Variants in CDH13 observed in about 807,000 individuals in gnomAD.
The protein encoded by CDH13 is cadherin 13.
Under a neutral mutation model 63.8 loss-of-function variants are expected in CDH13, and 24 were observed. The observed-to-expected ratio is 0.38, with a 90% CI of 0.27 to 0.53. The LOEUF is 0.53. CDH13 is among the 20% of genes least tolerant of loss of function. CDH13 has a pLI of 0.85. For synonymous variants in CDH13, 503 were observed against 355.3 expected, an observed-to-expected ratio of 1.42 and a Z score of -4.67; for missense variants, 1,049 against 903.1, an observed-to-expected ratio of 1.16 and a Z score of -2.07.
At chr16:83,596,329 G>T (rs920868643) in intron 7 of CDH13, among the ~76,000 whole-genome samples, 1 of 152,198 alleles carries the variant, frequency 6.6e-6, no homozygotes, top group African/African-American at 2.4e-5. Flanking sequence ...GGTCCTAGGA[G>T]TTCGGGGTTT....
chr16:83,672,024 G>T lies in CDH13; in HGVS notation c.1284+1052G>T, dbSNP rs182884340. On this transcript the variant is annotated intron_variant, in intron 9 of 13. Transcript: ENST00000567109. ...TCTTTTCTAGTGGATGAAGCCATTT[G>T]CCTGAGCAGCAGGGATCAATTGTAT... Among the ~76,000 whole-genome samples, 232 of 152,300 alleles carry T rather than the reference G, an allele frequency of 1.5e-3. 2 individuals are homozygous for T. The East Asian group carries it at 0.016, about 11-fold the overall frequency.
At chr16:82,864,361 C>T (rs1394430169) in intron 2 of CDH13, among the ~76,000 whole-genome samples, 1 of 152,048 alleles carries the variant, frequency 6.6e-6, no homozygotes, top group Admixed American at 6.6e-5. Flanking sequence ...TAAAGAACTA[C>T]CTGAGATGGG....
intron 6 of CDH13, among the ~76,000 whole-genome samples, chr16:83,403,856 A>G (rs1315727852): frequency 6.6e-6 from 1 of 152,228 alleles, no homozygotes; most frequent in African/African-American, 2.4e-5. Flanking sequence ...TATAAGGGAA[A>G]AATAAAAGGA....
intron 8 of CDH13, among the ~76,000 whole-genome samples, chr16:83,626,641 C>A (rs1260196747): frequency 1.3e-5 from 2 of 152,024 alleles, no homozygotes; most frequent in Non-Finnish European, 2.9e-5. Flanking sequence ...TCAACGTTGT[C>A]CTCTGCCCCC....
At chr16:82,877,514 T>A (rs372214612) in intron 2 of CDH13, among the ~76,000 whole-genome samples, 4 of 152,230 alleles carry the variant, frequency 2.6e-5, no homozygotes, top group African/African-American at 9.6e-5. Context: ...ATTTGTTCCA[T>A]GTTAGCATTT....
intron 3 of CDH13, among the ~76,000 whole-genome samples, chr16:83,088,336 G>T (rs1436358956): frequency 2.6e-5 from 4 of 152,304 alleles, no homozygotes; most frequent in Non-Finnish European, 5.9e-5. Flanking sequence ...AAATGTCAGG[G>T]TTGTCACCAA....
chr16:82,917,399 A>AG (rs1216364676), intron 2 of CDH13, among the ~76,000 whole-genome samples: 1 of 152,168 alleles, frequency 6.6e-6, no homozygotes, highest in Non-Finnish European at 1.5e-5. Context: ...GTTAATAGAC[A>AG]GGGCAGAAAT....
intron 1 of CDH13, among the ~76,000 whole-genome samples, chr16:82,806,651 G>A (rs925733038): frequency 6.6e-6 from 1 of 152,062 alleles, no homozygotes; most frequent in Non-Finnish European, 1.5e-5. Flanking sequence ...AATAATGGTG[G>A]GATTTTTGTT....
chr16:83,377,646 G>C (rs1392773710), intron 6 of CDH13, among the ~76,000 whole-genome samples: 3 of 152,170 alleles, frequency 2.0e-5, no homozygotes, highest in African/African-American at 7.2e-5. Flanking sequence ...AAAAGCAGGA[G>C]ACACTTTGCA....
intron 1 of CDH13, among the ~76,000 whole-genome samples, chr16:82,837,070 C>G (rs118146773): frequency 0.017 from 2,561 of 152,260 alleles, 39 homozygotes; most frequent in Non-Finnish European, 0.024. Flanking sequence ...GGCAACCCAT[C>G]GAGGTGGAAG....
At chr16:83,382,432 C>A (rs1451266841) in intron 6 of CDH13, among the ~76,000 whole-genome samples, 1 of 152,068 alleles carries the variant, frequency 6.6e-6, no homozygotes. Flanking sequence ...CTTCCATACC[C>A]CCTCATGCTG....
Position 83,501,769 on chromosome 16 carries a change from G to T in CDH13, c.960+15114G>T, listed in dbSNP as rs185684365. ...CCCTTGGGCTATTAAAGAAAAGCACGGGACATATTGATGGAAAAAATCTGA... is the reference window on the plus strand; with the variant it reads ...CCCTTGGGCTATTAAAGAAAAGCACTGGACATATTGATGGAAAAAATCTGA... On this transcript the variant is annotated intron_variant, in intron 7 of 13. Transcript: ENST00000567109. 2.1e-3 allele frequency among the ~76,000 whole-genome samples: 315 copies of T among 152,272 alleles called. 2 individuals carry two copies. The Middle Eastern group carries it at 0.024, about 12-fold the overall frequency.
chr16:83,498,711 T>A (rs1023140999), intron 7 of CDH13, among the ~76,000 whole-genome samples: 3 of 152,200 alleles, frequency 2.0e-5, no homozygotes, highest in Non-Finnish European at 4.4e-5. Context: ...AAATCAATAT[T>A]ATTGATATTT....
intron 1 of CDH13, among the ~76,000 whole-genome samples, chr16:82,775,380 G>A (rs2035447738): frequency 6.6e-6 from 1 of 152,174 alleles, no homozygotes; most frequent in South Asian, 2.1e-4. Context: ...CTGTATGTAT[G>A]AGCATGGGGA....
intron 3 of CDH13, among the ~76,000 whole-genome samples, chr16:83,068,593 C>T (rs988819145): frequency 1.3e-5 from 2 of 152,188 alleles, no homozygotes; most frequent in Admixed American, 1.3e-4. Context: ...CCTGACCATT[C>T]TTCTGACTTC....
chr16:83,662,927 G>A (rs563648767), intron 8 of CDH13, among the ~76,000 whole-genome samples: 4 of 152,214 alleles, frequency 2.6e-5, no homozygotes, highest in African/African-American at 9.6e-5. Flanking sequence ...GCGACTGAGA[G>A]CACTTCCTAT....
At chr16:83,745,167 G>A (rs1403447924) in intron 10 of CDH13, among the ~76,000 whole-genome samples, 1 of 152,168 alleles carries the variant, frequency 6.6e-6, no homozygotes, top group African/African-American at 2.4e-5. Context: ...TGCTGCAGCT[G>A]TGTTACTATT....
chr16:83,147,034 G>A (rs181260162), intron 4 of CDH13, among the ~76,000 whole-genome samples: 63 of 152,242 alleles, frequency 4.1e-4, no homozygotes, highest in African/African-American at 1.3e-3. Context: ...GCTACAGTGA[G>A]ATGAGATCAC....
rs1597849693 is a variant in CDH13 at position 82,868,009 on chromosome 16, C to T, written c.157+9536C>T. On this transcript the variant is annotated intron_variant, in intron 2 of 13. Transcript: ENST00000567109. Reference sequence around the variant, plus strand: ...CTTTTCCCATTTTCTGGTCATTCTTCACACATCCTTTACATATTTTATACA... The same window carrying T: ...CTTTTCCCATTTTCTGGTCATTCTTTACACATCCTTTACATATTTTATACA... Among the ~76,000 whole-genome samples, 3 of 152,194 alleles carry T rather than the reference C, an allele frequency of 2.0e-5. No individual in the cohort carries two copies. In the South Asian group the frequency reaches 6.2e-4, roughly 32 times the overall value.
Sources: gnomAD v4.1 joint callset for allele counts (sites outside exome capture counted in the v4.1 genomes callset) on GRCh38, gnomAD v4.1.1 for gene constraint, MANE v1.5 for transcripts, NCBI Gene and HGNC (gene_info 2026-07-23, HGNC 2026-07-21) for gene names.